RNF157: variants seen among roughly 807,000 people sequenced by gnomAD.
The protein encoded by RNF157 is ring finger protein 157.
RNF157 carries 55 observed loss-of-function variants against 88.3 expected under a neutral mutation model. That is an observed-to-expected ratio of 0.62 (90% CI 0.50 to 0.78). The LOEUF (loss-of-function observed/expected upper bound fraction) is 0.78, where lower values mean the gene tolerates loss of function less well. Among genes scored for constraint, RNF157 ranks in the 30% least tolerant of loss-of-function variants. The pLI is 0.00. For synonymous variants in RNF157, 334 were observed against 341.2 expected, an observed-to-expected ratio of 0.98 and a Z score of 0.23; for missense variants, 788 against 860.8, an observed-to-expected ratio of 0.92 and a Z score of 1.06.
chr17:76,159,370 G>A lies in RNF157; in HGVS notation c.1269C>T (p.Ser423=), dbSNP rs898705173. 2.5e-6 allele frequency: 4 copies of A among 1,613,352 alleles called. No homozygotes were observed. The highest frequency in any genetic ancestry group is 3.4e-6 in the Non-Finnish European group (4 of 1,179,790). Residue 423 remains serine, a synonymous_variant, in exon 12 of 19, where the codon AGC becomes AGT. Transcript: ENST00000269391. ...ISPLDRLSDS[S]SQGLKLKKSL... is the part of the protein sequence containing the mutation. ...TCTTTTTGAGTTTGAGTCCCTGACT[G>A]CTGCTGTCAGACAGGCGGTCAAGAG...
chr17:76,157,733 CTTTA>C lies in RNF157; in HGVS notation c.1413+656_1413+659del, dbSNP rs772389934. ...CCTGAGCACCTAAGGGCAGGGACCACTTTATTTACCTTCCTGTGCCCTGCTGTAT... is the reference window on the plus strand; with the variant it reads ...CCTGAGCACCTAAGGGCAGGGACCACTTTACCTTCCTGTGCCCTGCTGTAT... On this transcript the variant is annotated intron_variant, in intron 13 of 18. Coordinates refer to ENST00000269391, the MANE Select transcript of RNF157 (RefSeq NM_052916.3). The surrounding 1 kb of genome is among the most constrained non-coding windows in gnomAD (Gnocchi z 5.6). Among the ~76,000 whole-genome samples, 1 of 151,844 alleles carries C rather than the reference CTTTA, an allele frequency of 6.6e-6. No homozygotes were observed. The highest frequency in any genetic ancestry group is 1.5e-5 in the Non-Finnish European group (1 of 67,954).
chr17:76,174,090 GC>G (rs1351383543), intron 2 of RNF157, among the ~76,000 whole-genome samples: 1 of 151,364 alleles, frequency 6.6e-6, no homozygotes, highest in African/African-American at 2.4e-5. Flanking sequence ...AAAAAAAACC[GC>G]TGAAGTTCCA....
chr17:76,193,544 C>T (rs1236332862), intron 2 of RNF157, among the ~76,000 whole-genome samples: 1 of 151,478 alleles, frequency 6.6e-6, no homozygotes, highest in African/African-American at 2.4e-5. Context: ...ACCCCCACCA[C>T]CCCCCACCCA....
Position 76,240,101 on chromosome 17 carries a change from C to G in RNF157, c.88+52G>C. On this transcript the variant is annotated intron_variant, in intron 1 of 18. Transcript: ENST00000269391. The surrounding 1 kb of genome is among the most constrained non-coding windows in gnomAD (Gnocchi z 4.4). Reference sequence around the variant, plus strand: ...CCCTCAGGCCGTCCCGACCCAGACCCCTGCCCCTGCCCCTCTCCCTCCTCG... The same window carrying G: ...CCCTCAGGCCGTCCCGACCCAGACCGCTGCCCCTGCCCCTCTCCCTCCTCG... 8.8e-7 allele frequency: 1 copy of G among 1,139,390 alleles called. No homozygotes were observed. Among genetic ancestry groups the G allele is most frequent in the African/African-American group, 1.6e-5 (1 of 61,982 alleles). 70.6% of individuals were successfully genotyped at this position (1,139,390 alleles called of 1,614,324 possible). A position where few individuals can be genotyped will look rare whatever the true frequency, so the allele number is the denominator to read the frequency against.
intron 2 of RNF157, among the ~76,000 whole-genome samples, chr17:76,185,421 T>C (rs552716704): frequency 1.1e-3 from 165 of 152,288 alleles, no homozygotes; most frequent in African/African-American, 3.8e-3. Flanking sequence ...ACAGTCATCT[T>C]TTCCCCTCCA....
At chr17:76,185,258 C>A (rs951632586) in intron 2 of RNF157, among the ~76,000 whole-genome samples, 1 of 152,218 alleles carries the variant, frequency 6.6e-6, no homozygotes, top group Non-Finnish European at 1.5e-5. Flanking sequence ...CCCTTCCCAG[C>A]AGGCTAAAAC....
intron 1 of RNF157, chr17:76,225,707 ACACT>A: frequency 7.2e-7 from 1 of 1,394,770 alleles, no homozygotes; most frequent in Non-Finnish European, 9.6e-7. Flanking sequence ...GCTACAGCAG[ACACT>A]CTATGTACAA....
In RNF157 at chr17:76,176,333, A is replaced by G. The variant is rs1010176479; in HGVS notation, c.208-2543T>C. Among the ~76,000 whole-genome samples the G allele has an allele frequency of 3.3e-5, 5 of 152,174 alleles. No individual in the cohort carries two copies. The highest frequency in any genetic ancestry group is 1.2e-4 in the African/African-American group (5 of 41,438). On this transcript the variant is annotated intron_variant, in intron 2 of 18. Transcript: ENST00000269391. The surrounding 1 kb of genome is among the most constrained non-coding windows in gnomAD (Gnocchi z 4.2). ...GGCTTCATGGAGGAGTTGGTAGTTG[A>G]TCTGGGATCCTAAAGGATAAATGAA...
intron 3 of RNF157, among the ~76,000 whole-genome samples, chr17:76,168,728 GTTA>G (rs2068967129): frequency 6.6e-6 from 1 of 151,990 alleles, no homozygotes; most frequent in African/African-American, 2.4e-5. Context: ...TCTGTCTTGG[GTTA>G]TTCTTTCATA....
intron 1 of RNF157, among the ~76,000 whole-genome samples, chr17:76,222,341 C>G (rs748657318): frequency 6.8e-6 from 1 of 146,708 alleles, no homozygotes; most frequent in Non-Finnish European, 1.5e-5. Context: ...AGCAAGACCC[C>G]GTCTCAAAAA....
intron 2 of RNF157, among the ~76,000 whole-genome samples, chr17:76,204,290 A>G (rs1283024620): frequency 6.6e-6 from 1 of 152,070 alleles, no homozygotes; most frequent in African/African-American, 2.4e-5. Context: ...AGGAAATCCT[A>G]CTTATCCCTC....
At chr17:76,217,932 G>A (rs895070143) in intron 1 of RNF157, among the ~76,000 whole-genome samples, 2 of 152,180 alleles carry the variant, frequency 1.3e-5, no homozygotes, top group Non-Finnish European at 2.9e-5. Flanking sequence ...GAAGGAGAAA[G>A]GGGAAATTAA....
chr17:76,229,003 C>A (rs961051903), intron 1 of RNF157, among the ~76,000 whole-genome samples: 6 of 152,200 alleles, frequency 3.9e-5, no homozygotes, highest in Middle Eastern at 6.8e-3. Flanking sequence ...TGTCCTTTCA[C>A]ACCACACATC....
rs2068685371 is a variant in RNF157, at chr17:76,152,015, G to T, written c.1921+340C>A. On this transcript the variant is annotated intron_variant, in intron 18 of 18. Transcript: ENST00000269391. ...CTTCGTAGAGAGGTGGTGTCTGTCT[G>T]CTCAAACTTCCTGTTGATGAAAACA... is the stretch of plus-strand genomic sequence containing the variant. Among the ~76,000 whole-genome samples, 5 of 152,280 alleles carry T rather than the reference G, an allele frequency of 3.3e-5. No individual in the cohort carries two copies. The South Asian group carries it at 8.3e-4, about 25-fold the overall frequency.
Position 76,159,351 on chromosome 17 carries a change from TGAG to T in RNF157, c.1285_1287del (p.Leu429del). 6.2e-7 allele frequency: 1 copy of T among 1,613,414 alleles called. No homozygotes were observed. The highest frequency in any genetic ancestry group is 1.1e-5 in the South Asian group (1 of 90,914). On this transcript the variant is annotated inframe_deletion, in exon 12 of 19. Coordinates refer to ENST00000269391, the MANE Select transcript of RNF157 (RefSeq NM_052916.3). ...GCTACTCACTTGGAGAGACTCTTTT[TGAG>T]TTTGAGTCCCTGACTGCTGCTGTCA...
chr17:76,219,242 TAAATCCA>T (rs1426592294), intron 1 of RNF157, among the ~76,000 whole-genome samples: 1 of 151,710 alleles, frequency 6.6e-6, no homozygotes, highest in Non-Finnish European at 1.5e-5. Context: ...CAAACCTTCC[TAAATCCA>T]AAAAATACAT....
chr17:76,208,473 G>A (rs1223692800), intron 2 of RNF157, among the ~76,000 whole-genome samples: 1 of 152,132 alleles, frequency 6.6e-6, no homozygotes, highest in Non-Finnish European at 1.5e-5. Context: ...ATGATGTGAG[G>A]ACAAAATGAG....
rs1175106097 is a variant in RNF157, at chr17:76,160,052, T to G, written c.1066-479A>C. ...CCAGGCTGGTCTTGAGCTCCTGGTC[T>G]CAATTGATCCTCCCACCATGGCCTC... On this transcript the variant is annotated intron_variant, in intron 11 of 18. Transcript: ENST00000269391. This position sits in a 1 kb window ranked among gnomAD's most constrained non-coding sequence, Gnocchi z 4.3. Among the ~76,000 whole-genome samples, 1 of 152,228 alleles carries G rather than the reference T, an allele frequency of 6.6e-6. No homozygotes were observed. Among genetic ancestry groups the G allele is most frequent in the African/African-American group, 2.4e-5 (1 of 41,462 alleles).
intron 1 of RNF157, among the ~76,000 whole-genome samples, chr17:76,231,146 G>A (rs139074635): frequency 0.016 from 2,492 of 151,754 alleles, 68 homozygotes; most frequent in African/African-American, 0.057. Flanking sequence ...TACAGGCACC[G>A]GCCACAACGC....
Sources: allele counts gnomAD v4.1 joint callset (sites outside exome capture counted in the v4.1 genomes callset), GRCh38; gene constraint gnomAD v4.1.1; non-coding constraint Gnocchi (gnomAD v3.1); transcripts MANE v1.5; gene names NCBI Gene and HGNC (gene_info 2026-07-23, HGNC 2026-07-21).